ITSN1: variants seen among roughly 807,000 people sequenced by gnomAD.
ITSN1 encodes intersectin 1.
Under a neutral mutation model 239.8 loss-of-function variants are expected in ITSN1, and 58 were observed. The ratio of observed to expected loss-of-function variants is 0.24; its 90% confidence interval spans 0.20 to 0.30. The LOEUF is 0.30. ITSN1 is among the 10% of genes least tolerant of loss of function. The pLI, the probability that ITSN1 is intolerant of heterozygous loss-of-function variation, is 1.00. For missense variants in ITSN1, 1,558 were observed against 2,103.3 expected (o/e 0.74, Z 5.07); for synonymous variants, 780 against 770.8 (o/e 1.01, Z -0.20).
Position 33,882,551 on chromosome 21 carries a change from C to A in ITSN1, c.4554+96C>A. The A allele has an allele frequency of 2.0e-6, 2 of 1,025,586 alleles. No individual in the cohort carries two copies. The highest frequency in any genetic ancestry group is 2.3e-5 in the Admixed American group (1 of 42,758). 63.5% of individuals were successfully genotyped at this position (1,025,586 alleles called of 1,614,324 possible). Reference sequence around the variant, plus strand: ...GGTAGAGTTTTAGCAGGGTCAGGGGCTGTGGCATGCAGGAGAAGGCCAGGA... The same window carrying A: ...GGTAGAGTTTTAGCAGGGTCAGGGGATGTGGCATGCAGGAGAAGGCCAGGA... On this transcript the variant is annotated intron_variant, in intron 35 of 39. Coordinates refer to ENST00000381318, the MANE Select transcript of ITSN1 (RefSeq NM_003024.3). This position sits in a 1 kb window ranked among gnomAD's most constrained non-coding sequence, Gnocchi z 4.5.
chr21:33,871,535 A>C (rs2148518859), intron 33 of ITSN1, among the ~76,000 whole-genome samples: 1 of 152,266 alleles, frequency 6.6e-6, no homozygotes, highest in African/African-American at 2.4e-5. Flanking sequence ...CGAGGTCAAG[A>C]GATCAAGATC....
At chr21:33,826,743 A>G (rs2073994666) in intron 25 of ITSN1, 75 bp from the exon 26 acceptor site, 1 of 1,378,130 alleles carries the variant, frequency 7.3e-7, no homozygotes, top group Non-Finnish European at 1.0e-6. Context: ...GCGGGTTTGT[A>G]TCATCATTAA....
At chr21:33,722,365 A>G (rs745698912) in intron 3 of ITSN1, among the ~76,000 whole-genome samples, 12 of 152,332 alleles carry the variant, frequency 7.9e-5, no homozygotes, top group Non-Finnish European at 1.6e-4. Context: ...ATGCCAGGAA[A>G]TGGTAGGCCC....
intron 29 of ITSN1, chr21:33,837,285 C>G: frequency 8.3e-7 from 1 of 1,200,938 alleles, no homozygotes; most frequent in Non-Finnish European, 1.0e-6. Context: ...ATTGACTTTC[C>G]CCCACCTTTG....
chr21:33,801,798 C>T (rs113794966), intron 19 of ITSN1, among the ~76,000 whole-genome samples: 290 of 152,322 alleles, frequency 1.9e-3, no homozygotes, highest in African/African-American at 6.5e-3. Context: ...CTTACTCATC[C>T]TTTACAGAAA....
At chr21:33,661,746 G>A (rs980512208) in intron 1 of ITSN1, among the ~76,000 whole-genome samples, 2 of 152,122 alleles carry the variant, frequency 1.3e-5, no homozygotes, top group Non-Finnish European at 2.9e-5. Context: ...TAGTGAGTGA[G>A]TCTTAGGAGA....
At chr21:33,770,016 G>A (rs1192688657) in intron 11 of ITSN1, among the ~76,000 whole-genome samples, 1 of 151,410 alleles carries the variant, frequency 6.6e-6, no homozygotes, top group Admixed American at 6.6e-5. Context: ...CTTTTTATAA[G>A]GATATTAATT....
At chr21:33,802,585 G>T (rs2072089292) in intron 20 of ITSN1, 141 bp downstream of exon 20, 1 of 741,792 alleles carries the variant, frequency 1.3e-6, no homozygotes, top group Non-Finnish European at 2.2e-6. Context: ...GTAGTAGGTT[G>T]TGCTTTTTAA....
intron 17 of ITSN1, among the ~76,000 whole-genome samples, chr21:33,795,950 C>CTTTTT (rs5843623): frequency 7.1e-6 from 1 of 139,878 alleles, no homozygotes; most frequent in East Asian, 2.1e-4. Context: ...TAAAGTAATT[C>CTTTTT]TTTTTTTTTT....
intron 1 of ITSN1, among the ~76,000 whole-genome samples, chr21:33,675,403 A>G (rs559758353): frequency 6.6e-6 from 1 of 152,140 alleles, no homozygotes; most frequent in East Asian, 1.9e-4. Flanking sequence ...CTCTATTAAA[A>G]AAAAATACAA....
intron 36 of ITSN1, among the ~76,000 whole-genome samples, chr21:33,884,676 G>A (rs778567567): frequency 1.3e-5 from 2 of 152,208 alleles, no homozygotes; most frequent in African/African-American, 2.4e-5. Flanking sequence ...TTCTTTGCGT[G>A]ATTTCATAAG....
intron 29 of ITSN1, among the ~76,000 whole-genome samples, chr21:33,852,881 G>A (rs958885273): frequency 2.0e-5 from 3 of 152,156 alleles, no homozygotes; most frequent in Admixed American, 6.5e-5. Flanking sequence ...AAAAGGCCAC[G>A]TCCCTCCACC....
chr21:33,698,373 C>A (rs560645095), intron 1 of ITSN1, among the ~76,000 whole-genome samples: 2 of 152,300 alleles, frequency 1.3e-5, no homozygotes, highest in African/African-American at 4.8e-5. Context: ...AACAGAAATT[C>A]TGGGAGGAAT....
chr21:33,682,921 A>G (rs752322973), intron 1 of ITSN1, among the ~76,000 whole-genome samples: 8 of 152,190 alleles, frequency 5.3e-5, no homozygotes, highest in Non-Finnish European at 8.8e-5. Context: ...TATGTTGCCA[A>G]TCGGCAGTTG....
chr21:33,850,394 C>G (rs769430214), intron 29 of ITSN1, among the ~76,000 whole-genome samples: 2 of 152,158 alleles, frequency 1.3e-5, no homozygotes, highest in Non-Finnish European at 2.9e-5. Context: ...ATTCCTTCCC[C>G]TCTCACCTCT....
intron 1 of ITSN1, among the ~76,000 whole-genome samples, chr21:33,717,443 C>G (rs1008688409): frequency 6.6e-6 from 1 of 152,008 alleles, no homozygotes; most frequent in Non-Finnish European, 1.5e-5. Flanking sequence ...GTGATCTGCC[C>G]GACTCAGCCT....
chr21:33,680,335 CT>C (rs766411012), intron 1 of ITSN1, among the ~76,000 whole-genome samples: 259 of 138,370 alleles, frequency 1.9e-3, no homozygotes, highest in Middle Eastern at 3.6e-3. Context: ...TTTCTTTTTT[CT>C]TTTTTTTTTT....
rs1195995914 is a variant in ITSN1 at position 33,899,024 on chromosome 21, C to T, written c.*10724C>T. The T allele has an allele frequency of 2.6e-5, 4 of 152,406 alleles. No individual in the cohort carries two copies. The highest frequency in any genetic ancestry group is 4.1e-4 in the South Asian group (2 of 4,834). The allele number at this position is 152,406 out of a possible 1,614,324, so 9.4% of individuals were successfully genotyped here. A position where few individuals can be genotyped will look rare whatever the true frequency, so the allele number is the denominator to read the frequency against. On this transcript the variant is annotated 3_prime_UTR_variant, in exon 40 of 40. Transcript: ENST00000381318. ...CCTTGGAAGGCCACCTAAGGCCTGCCAGCAGAGGAGATGAGCTCTGGTCTA... is the reference window on the plus strand; with the variant it reads ...CCTTGGAAGGCCACCTAAGGCCTGCTAGCAGAGGAGATGAGCTCTGGTCTA...
chr21:33,736,950 AC>A (rs2066540508), intron 5 of ITSN1, among the ~76,000 whole-genome samples: 2 of 152,342 alleles, frequency 1.3e-5, no homozygotes, highest in Non-Finnish European at 1.5e-5. Flanking sequence ...ACACTACTGC[AC>A]CCCAGCCTGG....
Sources: allele counts gnomAD v4.1 joint callset (sites outside exome capture counted in the v4.1 genomes callset), GRCh38; gene constraint gnomAD v4.1.1; non-coding constraint Gnocchi (gnomAD v3.1); transcripts MANE v1.5; gene names NCBI Gene and HGNC (gene_info 2026-07-23, HGNC 2026-07-21).